Variants in PTPRS observed in about 807,000 individuals in gnomAD.
PTPRS encodes receptor-type tyrosine-protein phosphatase S.
A neutral mutation model predicts 215.3 loss-of-function variants in PTPRS; 63 were observed. That is an observed-to-expected ratio of 0.29 (90% confidence interval 0.24 to 0.36). PTPRS has a LOEUF of 0.36. Among genes scored for constraint, PTPRS ranks in the 10% least tolerant of loss-of-function variants. The probability of loss-of-function intolerance (pLI) is 1.00; values close to 1 mark genes in which losing one functional copy is unlikely to be tolerated. For synonymous variants in PTPRS, 1,404 were observed against 1,191.4 expected (o/e 1.18, Z -3.68); for missense variants, 2,258 against 2,825.8 (o/e 0.80, Z 4.56).
chr19:5,274,055 T>C, intron 3 of PTPRS, 144 bp downstream of exon 3: 2 of 1,181,904 alleles, frequency 1.7e-6, no homozygotes, highest in Non-Finnish European at 2.3e-6. Flanking sequence ...GGGCCCTGGC[T>C]GGAGGCTGCG....
In PTPRS at chr19:5,210,915, A is replaced by AC. The variant is rs1235302030; in HGVS notation, c.5235-111dup. 69 of 1,400,004 alleles carry AC rather than the reference A, an allele frequency of 4.9e-5. No homozygotes were observed. The African/African-American group carries it at 8.5e-4, about 17-fold the overall frequency. The allele number at this position is 1,400,004 out of a possible 1,614,324, so 86.7% of individuals were successfully genotyped here. A position where few individuals can be genotyped will look rare whatever the true frequency, so the allele number is the denominator to read the frequency against. ...CAAGCCAGTGACAGCTACACCTACC[A>AC]CCCCACTGCCTGCCAGGAATGGCTG... On this transcript the variant is annotated intron_variant, in intron 33 of 37. Coordinates refer to ENST00000262963, the MANE Select transcript of PTPRS (RefSeq NM_002850.4). The surrounding 1 kb of genome is among the most constrained non-coding windows in gnomAD (Gnocchi z 4.5).
intron 25 of PTPRS, among the ~76,000 whole-genome samples, chr19:5,217,133 G>A (rs2041549600): frequency 6.6e-6 from 1 of 152,246 alleles, no homozygotes; most frequent in Admixed American, 6.5e-5. Context: ...AGAAGCTGGG[G>A]GAGCAGGGAA....
intron 9 of PTPRS, among the ~76,000 whole-genome samples, chr19:5,249,924 C>T (rs1037969951): frequency 6.6e-6 from 1 of 152,210 alleles, no homozygotes; most frequent in African/African-American, 2.4e-5. Flanking sequence ...CTTAAAATAT[C>T]TCTCCATAGG....
chr19:5,244,098 C>T lies in PTPRS; in HGVS notation c.1373G>A (p.Arg458His), dbSNP rs2044276115. The change falls in exon 11 of 38, where the codon CGC becomes CAC. Residue 458 changes from arginine to histidine, a missense_variant. Arg to His is a conservative substitution (Grantham distance 29, BLOSUM62 0). Transcript: ENST00000262963. The surrounding 1 kb of genome is among the most constrained non-coding windows in gnomAD (Gnocchi z 7.2). ...EEPVEPNGLI[R>H]GYRVYYTMEP... is the part of the protein sequence containing the mutation. Reference sequence around the variant, plus strand: ...CATGGTGTAGTAGACGCGGTAGCCGCGGATCAGGCCGTTGGGCTCCACCGG... The same window carrying T: ...CATGGTGTAGTAGACGCGGTAGCCGTGGATCAGGCCGTTGGGCTCCACCGG... The T allele has an allele frequency of 1.2e-6, 2 of 1,609,146 alleles. No homozygotes were observed.
chr19:5,313,632 T>C (rs1472983874), intron 1 of PTPRS, among the ~76,000 whole-genome samples: 2 of 152,046 alleles, frequency 1.3e-5, no homozygotes, highest in African/African-American at 4.8e-5. Context: ...GTCACGACCA[T>C]CAAGGGCAGG....
chr19:5,214,238 G>A lies in PTPRS; in HGVS notation c.4614+123C>T, dbSNP rs970065617. On this transcript the variant is annotated intron_variant, in intron 30 of 37. Coordinates refer to ENST00000262963, the MANE Select transcript of PTPRS (RefSeq NM_002850.4). ...GGTTCCATGAGAATGTAGTCAGCCT[G>A]GGTAGACACGCTCCGCTTTCTCTCT... 12 of 1,375,402 alleles carry A rather than the reference G, an allele frequency of 8.7e-6. No individual in the cohort carries two copies. The African/African-American group carries it at 1.1e-4, about 13-fold the overall frequency. 85.2% of individuals were successfully genotyped at this position (1,375,402 alleles called of 1,614,324 possible).
At chr19:5,269,164 G>A (rs548997605) in intron 4 of PTPRS, among the ~76,000 whole-genome samples, 54 of 152,150 alleles carry the variant, frequency 3.5e-4, no homozygotes, top group Non-Finnish European at 6.3e-4. Flanking sequence ...CATGTGTGCC[G>A]CATGTATGTG....
intron 6 of PTPRS, 62 bp from the exon 7 acceptor site, chr19:5,260,884 G>C (rs1277543460): frequency 1.9e-6 from 3 of 1,587,726 alleles, no homozygotes; most frequent in South Asian, 2.2e-5. Flanking sequence ...GGGCCGGGGG[G>C]CCCCAGGGAA....
Position 5,265,627 on chromosome 19 carries a change from C to A in PTPRS, c.380-431G>T, listed in dbSNP as rs529615004. Among the ~76,000 whole-genome samples, 3 of 152,260 alleles carry A rather than the reference C, an allele frequency of 2.0e-5. 1 individual carries two copies. The highest frequency in any genetic ancestry group is 7.2e-5 in the African/African-American group (3 of 41,552). ...AAAGCACTGGGATTGCAGGCATGAGCCACTGCACCTGGTTGGGTCCCTCTT... is the reference window on the plus strand; with the variant it reads ...AAAGCACTGGGATTGCAGGCATGAGACACTGCACCTGGTTGGGTCCCTCTT... On this transcript the variant is annotated intron_variant, in intron 4 of 37. Coordinates refer to ENST00000262963, the MANE Select transcript of PTPRS (RefSeq NM_002850.4).
At chr19:5,279,349 T>TTTTTA (rs1378910083) in intron 2 of PTPRS, among the ~76,000 whole-genome samples, 1 of 151,920 alleles carries the variant, frequency 6.6e-6, no homozygotes, top group Admixed American at 6.6e-5. Flanking sequence ...TTTATTTTTA[T>TTTTTA]TTTTATTTTA....
At chr19:5,247,815 C>T (rs544200630) in intron 9 of PTPRS, among the ~76,000 whole-genome samples, 40 of 151,878 alleles carry the variant, frequency 2.6e-4, no homozygotes, top group Middle Eastern at 3.4e-3. Flanking sequence ...TTCCTGAATC[C>T]GGGCGGGAGG....
rs754797426 is a variant in PTPRS at position 5,338,120 on chromosome 19, G to A, written c.-95+2544C>T. ...CCATCTCCCGCGGGGAGTGGGGAGC[G>A]GGCCAGTCCACCGCCTCTTGGGACG... is the stretch of plus-strand genomic sequence containing the variant. On this transcript the variant is annotated intron_variant, in intron 1 of 37. Transcript: ENST00000262963. This position sits in a 1 kb window ranked among gnomAD's most constrained non-coding sequence, Gnocchi z 4.2. Among the ~76,000 whole-genome samples, 5 of 152,138 alleles carry A rather than the reference G, an allele frequency of 3.3e-5. No individual in the cohort carries two copies. Among genetic ancestry groups the A allele is most frequent in the Admixed American group, 6.5e-5 (1 of 15,272 alleles).
chr19:5,259,080 T>C (rs780200396), intron 7 of PTPRS, among the ~76,000 whole-genome samples: 17 of 152,180 alleles, frequency 1.1e-4, no homozygotes, highest in Non-Finnish European at 1.6e-4. Flanking sequence ...ATTGAAAGCC[T>C]CTCATACTCA....
intron 1 of PTPRS, among the ~76,000 whole-genome samples, chr19:5,317,256 GAGGTCA>G (rs1420982507): frequency 2.0e-5 from 3 of 152,174 alleles, no homozygotes; most frequent in Admixed American, 6.6e-5. Context: ...TGGATTACTT[GAGGTCA>G]AGAGTTCGAG....
chr19:5,241,492 C>T (rs2044038796), intron 11 of PTPRS, among the ~76,000 whole-genome samples: 1 of 151,966 alleles, frequency 6.6e-6, no homozygotes, highest in Non-Finnish European at 1.5e-5. Flanking sequence ...CTATGTTGCC[C>T]AGGCTGGTCT....
chr19:5,260,180 CTT>C (rs1169287515), intron 7 of PTPRS, among the ~76,000 whole-genome samples: 8 of 135,866 alleles, frequency 5.9e-5, no homozygotes, highest in East Asian at 4.2e-4. Context: ...CGTTTTGTTT[CTT>C]TTTTTTTTTT....
In PTPRS at chr19:5,257,940, G is replaced by GAGGCGGTGAGCCCGA. The variant is rs1468611582; in HGVS notation, c.706+62_706+76dup. The GAGGCGGTGAGCCCGA allele has an allele frequency of 7.8e-7, 1 of 1,288,980 alleles. No homozygotes were observed. 79.8% of individuals were successfully genotyped at this position (1,288,980 alleles called of 1,614,324 possible). A position where few individuals can be genotyped will look rare whatever the true frequency, so the allele number is the denominator to read the frequency against. On this transcript the variant is annotated intron_variant, in intron 8 of 37. Coordinates refer to ENST00000262963, the MANE Select transcript of PTPRS (RefSeq NM_002850.4). The surrounding 1 kb of genome is among the most constrained non-coding windows in gnomAD (Gnocchi z 4.4). ...GGTGTGCAGGGGACGGGGGAGCCCG[G>GAGGCGGTGAGCCCGA]AGGCGGTGAGCCCGAGGAGGGAGGG...
chr19:5,316,268 C>T (rs1460002731), intron 1 of PTPRS, among the ~76,000 whole-genome samples: 2 of 152,260 alleles, frequency 1.3e-5, no homozygotes, highest in East Asian at 3.9e-4. Flanking sequence ...CTTTCCTGAA[C>T]TACATACGTA....
intron 1 of PTPRS, among the ~76,000 whole-genome samples, chr19:5,325,592 A>C (rs2050147447): frequency 6.6e-6 from 1 of 152,216 alleles, no homozygotes; most frequent in Non-Finnish European, 1.5e-5. Flanking sequence ...GGTCAGAAGC[A>C]GTGGCCACGA....
Sources: gnomAD v4.1 joint callset for allele counts (sites outside exome capture counted in the v4.1 genomes callset) on GRCh38, gnomAD v4.1.1 for gene constraint, Gnocchi (gnomAD v3.1) non-coding constraint, MANE v1.5 for transcripts, NCBI Gene and HGNC (gene_info 2026-07-23, HGNC 2026-07-21) for gene names.